PCDHGC5: variants seen among roughly 807,000 people sequenced by gnomAD.
PCDHGC5 encodes protocadherin gamma subfamily C, 5.
Under a neutral mutation model 59.0 loss-of-function variants are expected in PCDHGC5, and 25 were observed. The ratio of observed to expected loss-of-function variants is 0.42; its 90% CI spans 0.31 to 0.59. The LOEUF is 0.59. PCDHGC5 is among the 20% of genes least tolerant of loss of function. The probability of loss-of-function intolerance (pLI) is 0.13; values close to 1 mark genes in which losing one functional copy is unlikely to be tolerated. For missense variants in PCDHGC5, 1,067 were observed against 1,206.4 expected, an observed-to-expected ratio of 0.88 and a Z score of 1.71; for synonymous variants, 434 against 505.5, an observed-to-expected ratio of 0.86 and a Z score of 1.90.
rs538734954 is a variant in PCDHGC5 at position 141,494,863 on chromosome 5, C to T, written c.2517C>T (p.Ser839=). The change falls in exon 2 of 4, where the codon AGC becomes AGT. Residue 839 remains serine, a splice_region_variant and synonymous_variant. Coordinates refer to ENST00000252087, the MANE Select transcript of PCDHGC5 (RefSeq NM_018929.3). The part of the protein sequence containing the change: ...RFSQAQRPGT[S]GSQNGDDTGT... ...CTCAGGCCCAGAGACCCGGCACCAG[C>T]GGGTAGGTGACTGATTCTCCAGCCC... 2 of 1,614,118 alleles carry T rather than the reference C, an allele frequency of 1.2e-6. No individual in the cohort carries two copies. Among genetic ancestry groups the T allele is most frequent in the East Asian group, 2.2e-5 (1 of 44,874 alleles).
At chr5:141,502,356 G>C (rs1443285213) in intron 2 of PCDHGC5, among the ~76,000 whole-genome samples, 4 of 151,838 alleles carry the variant, frequency 2.6e-5, no homozygotes. Flanking sequence ...TAATGACATG[G>C]ATATTTTTAA....
At position 141,505,378 on chromosome 5, in the gene PCDHGC5, C is replaced by T. The variant is rs376550639; in HGVS notation, c.2520-15C>T. 2 of 1,614,034 alleles carry T rather than the reference C, an allele frequency of 1.2e-6. No homozygotes were observed. The highest frequency in any genetic ancestry group is 2.2e-5 in the East Asian group (1 of 44,872). On this transcript the variant is annotated splice_polypyrimidine_tract_variant and intron_variant, in intron 2 of 3. Transcript: ENST00000252087. ...GGCCTGGGAGTCTGTGCTCACCATC[C>T]TACTCTCTCCCCAGCTCCCAAAATG...
At chr5:141,502,494 A>G (rs928571740) in intron 2 of PCDHGC5, among the ~76,000 whole-genome samples, 2 of 152,180 alleles carry the variant, frequency 1.3e-5, no homozygotes, top group South Asian at 2.1e-4. Context: ...GGACTCATCT[A>G]ACGTCGGCCT....
Position 141,489,829 on chromosome 5 carries a change from G to T in PCDHGC5, c.589G>T (p.Glu197Ter), listed in dbSNP as rs1445416879. 6.2e-7 allele frequency: 1 copy of T among 1,614,076 alleles called. No individual in the cohort carries two copies. Among genetic ancestry groups the T allele is most frequent in the South Asian group, 1.1e-5 (1 of 91,070 alleles). ...DGKPFPELVLEQQLDREAQAR... is the reference protein window; with the variant it reads ...DGKPFPELVL ...GAAGCCATTCCCAGAGCTGGTGCTA[G>T]AGCAGCAGCTGGATCGTGAAGCCCA... The change falls in exon 1 of 4, where the codon GAG (glutamate) becomes TAG (stop). Residue 197 changes from glutamate to a stop codon, truncating the protein, a stop_gained. Coordinates refer to ENST00000252087, the MANE Select transcript of PCDHGC5 (RefSeq NM_018929.3). LOFTEE classifies it high-confidence loss of function. The surrounding 1 kb of genome is among the most constrained non-coding windows in gnomAD (Gnocchi z 4.5).
chr5:141,501,345 A>G (rs2099808580), intron 2 of PCDHGC5, among the ~76,000 whole-genome samples: 2 of 150,582 alleles, frequency 1.3e-5, no homozygotes, highest in East Asian at 1.9e-4. Context: ...CCCAAACTCA[A>G]TAGGGCAAGA....
In PCDHGC5 at chr5:141,511,405, T is replaced by C. The variant is rs1274658643; in HGVS notation, c.*232T>C. The C allele has an allele frequency of 2.2e-5, 21 of 944,066 alleles. No homozygotes were observed. In the East Asian group the frequency reaches 5.8e-4, roughly 26 times the overall value. 58.5% of individuals were successfully genotyped at this position (944,066 alleles called of 1,614,324 possible). On this transcript the variant is annotated 3_prime_UTR_variant, in exon 4 of 4. Transcript: ENST00000252087. ...CGCTGGGAACCCCCATCCAATCAACTGCTGTACCCATGGGGGTAGTGGGGT... is the reference window on the plus strand; with the variant it reads ...CGCTGGGAACCCCCATCCAATCAACCGCTGTACCCATGGGGGTAGTGGGGT...
chr5:141,492,077 C>G (rs917149790), intron 1 of PCDHGC5: 1 of 483,342 alleles, frequency 2.1e-6, no homozygotes, highest in African/African-American at 2.0e-5. Context: ...GGCGCCGGCT[C>G]CGGCACGCTT....
chr5:141,499,122 A>G (rs971741957), intron 2 of PCDHGC5, among the ~76,000 whole-genome samples: 3 of 152,140 alleles, frequency 2.0e-5, no homozygotes, highest in African/African-American at 7.2e-5. Context: ...ATCCCTTCTC[A>G]GGTCATCCTT....
At position 141,490,054 on chromosome 5, in the gene PCDHGC5, G is replaced by A. The variant is rs2099695440; in HGVS notation, c.814G>A (p.Gly272Ser). The A allele has an allele frequency of 6.2e-7, 1 of 1,614,104 alleles. No individual in the cohort carries two copies. The highest frequency in any genetic ancestry group is 1.3e-5 in the African/African-American group (1 of 74,944). ...LRLNATDPDEGTNGQLDYSFG... is the reference protein window; with the variant it reads ...LRLNATDPDESTNGQLDYSFG... ...CCTCAATGCCACTGATCCAGACGAG[G>A]GCACCAACGGCCAACTAGACTATTC... Residue 272 changes from glycine to serine, a missense_variant, in exon 1 of 4, where the codon GGC (glycine) becomes AGC (serine). Transcript: ENST00000252087. This position sits in a 1 kb window ranked among gnomAD's most constrained non-coding sequence, Gnocchi z 5.4.
At chr5:141,500,488 C>A (rs569168291) in intron 2 of PCDHGC5, among the ~76,000 whole-genome samples, 2 of 152,060 alleles carry the variant, frequency 1.3e-5, no homozygotes, top group East Asian at 3.9e-4. Flanking sequence ...GGATTACAGG[C>A]GTGAGCCACC....
chr5:141,498,578 G>T (rs1404493166), intron 2 of PCDHGC5, among the ~76,000 whole-genome samples: 1 of 152,048 alleles, frequency 6.6e-6, no homozygotes, highest in African/African-American at 2.4e-5. Flanking sequence ...CTAGTATTGA[G>T]TTCTTCAGTA....
intron 3 of PCDHGC5, 154 bp from the exon 4 acceptor site, chr5:141,510,793 G>A: frequency 1.1e-6 from 1 of 935,078 alleles, no homozygotes; most frequent in Non-Finnish European, 1.3e-6. Context: ...CTCTTGTGAA[G>A]AGAGACTACC....
chr5:141,490,933 C>T lies in PCDHGC5; in HGVS notation c.1693C>T (p.Leu565=), dbSNP rs781291690. ...LDENDNAPAV[L]HPRPDWEHSA... is the part of the protein sequence containing the mutation. ...CGAGAATGATAATGCCCCAGCTGTG[C>T]TGCACCCACGGCCAGACTGGGAACA... The change falls in exon 1 of 4, where the codon CTG becomes TTG. Residue 565 remains leucine, a synonymous_variant. Transcript: ENST00000252087. The surrounding 1 kb of genome is among the most constrained non-coding windows in gnomAD (Gnocchi z 5.4). 5.0e-6 allele frequency: 8 copies of T among 1,613,702 alleles called. No individual in the cohort carries two copies. The highest frequency in any genetic ancestry group is 5.9e-6 in the Non-Finnish European group (7 of 1,179,770).
At position 141,489,318 on chromosome 5, in the gene PCDHGC5, G is replaced by T; in HGVS notation, c.78G>T (p.Trp26Cys). Residue 26 changes from tryptophan to cysteine, a missense_variant, in exon 1 of 4, where the codon TGG becomes TGT. Coordinates refer to ENST00000252087, the MANE Select transcript of PCDHGC5 (RefSeq NM_018929.3). The surrounding 1 kb of genome is among the most constrained non-coding windows in gnomAD (Gnocchi z 4.5). The part of the protein sequence containing the change: ...LCMLSLCCWG[W>C]VSGQLRYSVV... ...TGTTGTCCTTGTGCTGCTGGGGCTG[G>T]GTGTCTGGGCAGCTTCGTTACTCAG... The T allele has an allele frequency of 6.3e-7, 1 of 1,599,092 alleles. No homozygotes were observed. Among genetic ancestry groups the T allele is most frequent in the Non-Finnish European group, 8.5e-7 (1 of 1,171,660 alleles).
intron 2 of PCDHGC5, 117 bp downstream of exon 2, chr5:141,494,982 G>C: frequency 6.4e-7 from 1 of 1,563,940 alleles, no homozygotes; most frequent in Non-Finnish European, 8.7e-7. Context: ...CTCAGTTTGA[G>C]ATCCCAGGGA....
At chr5:141,509,570 G>A (rs2099877371) in intron 3 of PCDHGC5, among the ~76,000 whole-genome samples, 1 of 152,232 alleles carries the variant, frequency 6.6e-6, no homozygotes, top group South Asian at 2.1e-4. Flanking sequence ...AGCCTTCACA[G>A]TGCGTACAAA....
At chr5:141,506,462 AAAAG>A (rs1396142744) in intron 3 of PCDHGC5, among the ~76,000 whole-genome samples, 1 of 151,856 alleles carries the variant, frequency 6.6e-6, no homozygotes, top group African/African-American at 2.4e-5. Flanking sequence ...AAAAAAAAAA[AAAAG>A]AGCACAGGCT....
In PCDHGC5 at chr5:141,491,272, A is replaced by G. The variant is rs2099710110; in HGVS notation, c.2032A>G (p.Ser678Gly). The change falls in exon 1 of 4, where the codon AGT becomes GGT. Residue 678 changes from serine (S) to glycine (G), a missense_variant. By Grantham distance (56) the Ser-to-Gly change is moderately conservative (BLOSUM62 0). Transcript: ENST00000252087. The surrounding 1 kb of genome is among the most constrained non-coding windows in gnomAD (Gnocchi z 6.9). The stretch of plus-strand genomic sequence containing the variant: ...GGACCCTGAGGAAATGCCCAAATCC[A>G]GTGACTTCCTCATACACCCTCCTGA... ...DEDPEEMPKSSDFLIHPPERS... is the reference protein window; with the variant it reads ...DEDPEEMPKSGDFLIHPPERS... The G allele has an allele frequency of 1.2e-6, 2 of 1,614,084 alleles. No homozygotes were observed. Among genetic ancestry groups the G allele is most frequent in the Non-Finnish European group, 1.7e-6 (2 of 1,179,928 alleles).
chr5:141,501,390 T>TCAC (rs1033806087), intron 2 of PCDHGC5, among the ~76,000 whole-genome samples: 4 of 151,794 alleles, frequency 2.6e-5, no homozygotes, highest in African/African-American at 9.7e-5. Flanking sequence ...CTAGGTCCTG[T>TCAC]CACAGGCCAC....
Sources: gnomAD v4.1 joint callset for allele counts (sites outside exome capture counted in the v4.1 genomes callset) on GRCh38, gnomAD v4.1.1 for gene constraint, Gnocchi (gnomAD v3.1) non-coding constraint, MANE v1.5 for transcripts, NCBI Gene and HGNC (gene_info 2026-07-23, HGNC 2026-07-21) for gene names.